The following LEO1 variants were observed in gnomAD, a reference collection of about 807,000 sequenced individuals.
The protein encoded by LEO1 is RNA polymerase-associated protein LEO1.
In LEO1, 34 loss-of-function variants were observed where a neutral mutation model predicts 80.4. That is an observed-to-expected ratio of 0.42 (90% CI 0.32 to 0.56). LEO1 has a LOEUF of 0.56. LEO1 is among the 20% of genes least tolerant of loss of function. LEO1 has a pLI of 0.10. For synonymous variants in LEO1, 262 were observed against 274.9 expected (o/e 0.95, Z 0.46); for missense variants, 631 against 814.2 (o/e 0.77, Z 2.74).
intron 3 of LEO1, among the ~76,000 whole-genome samples, 156 bp downstream of exon 3, chr15:51,962,233 T>C (rs200204390): frequency 6.6e-6 from 1 of 151,926 alleles, no homozygotes; most frequent in East Asian, 1.9e-4. Context: ...CAGCTTCTCA[T>C]AGCTATATAA....
chr15:51,969,375 C>A (rs947149420), intron 1 of LEO1, among the ~76,000 whole-genome samples: 1 of 151,988 alleles, frequency 6.6e-6, no homozygotes, highest in Non-Finnish European at 1.5e-5. Context: ...TGGCTCACAC[C>A]TGTAATCCCA....
chr15:51,955,667 C>T (rs2056983463), intron 6 of LEO1, among the ~76,000 whole-genome samples: 1 of 152,188 alleles, frequency 6.6e-6, no homozygotes, highest in Non-Finnish European at 1.5e-5. Context: ...CTGCCAATGC[C>T]AAGACCATGC....
chr15:51,941,699 G>T (rs560178978), intron 11 of LEO1, among the ~76,000 whole-genome samples: 1 of 152,206 alleles, frequency 6.6e-6, no homozygotes, highest in African/African-American at 2.4e-5. Flanking sequence ...TTAAAAAAAT[G>T]AGGGAGAATA....
rs537405336 is a variant in LEO1 at position 51,959,976 on chromosome 15, T to C, written c.1083A>G (p.Glu361=). 9 of 1,613,616 alleles carry C rather than the reference T, an allele frequency of 5.6e-6. No individual in the cohort carries two copies. The highest frequency in any genetic ancestry group is 2.2e-5 in the South Asian group (2 of 91,014). Residue 361 remains glutamate, a synonymous_variant, in exon 5 of 12, where the codon GAA becomes GAG. Coordinates refer to ENST00000299601, the MANE Select transcript of LEO1 (RefSeq NM_138792.4). ...EPIPETRIEV[E]IPKVNTDLGN... Reference sequence around the variant, plus strand: ...CTAAATCAGTGTTTACTTTGGGTATTTCTACTTCTATTCTGGTCTCAGGAA... The same window carrying C: ...CTAAATCAGTGTTTACTTTGGGTATCTCTACTTCTATTCTGGTCTCAGGAA...
intron 1 of LEO1, among the ~76,000 whole-genome samples, chr15:51,970,667 G>C (rs1210649777): frequency 3.9e-5 from 6 of 152,164 alleles, no homozygotes; most frequent in African/African-American, 1.4e-4. Flanking sequence ...TAGCAGACAG[G>C]GGTTGGAGGA....
intron 1 of LEO1, among the ~76,000 whole-genome samples, chr15:51,969,767 G>A (rs537559037): frequency 1.3e-5 from 2 of 150,012 alleles, no homozygotes; most frequent in African/African-American, 2.4e-5. Context: ...GCTTGAACCC[G>A]GAGGCGGAGG....
intron 10 of LEO1, 32 bp from the exon 11 acceptor site, chr15:51,947,421 T>A: frequency 1.3e-6 from 1 of 767,016 alleles, no homozygotes; most frequent in Non-Finnish European, 1.9e-6. Context: ...GTGAGTCACC[T>A]TTTTTTTTTT....
intron 7 of LEO1, among the ~76,000 whole-genome samples, chr15:51,953,994 C>T (rs1368680198): frequency 3.3e-5 from 5 of 150,478 alleles, no homozygotes; most frequent in African/African-American, 1.2e-4. Flanking sequence ...AGTGCAGTGG[C>T]GCGATCTCGG....
intron 2 of LEO1, among the ~76,000 whole-genome samples, chr15:51,965,184 C>A (rs1318739614): frequency 6.6e-6 from 1 of 152,230 alleles, no homozygotes; most frequent in Non-Finnish European, 1.5e-5. Context: ...GGAGAAATAA[C>A]TGATCCTCTT....
At chr15:51,960,825 G>C in intron 3 of LEO1, 92 bp from the exon 4 acceptor site, 1 of 750,626 alleles carries the variant, frequency 1.3e-6, no homozygotes, top group Non-Finnish European at 2.3e-6. Context: ...AAGGTTTCTG[G>C]ACCAGCATCA....
rs562455371 is a variant in LEO1 at position 51,948,143 on chromosome 15, C to T, written c.1799-754G>A. 2.0e-5 allele frequency among the ~76,000 whole-genome samples: 3 copies of T among 152,318 alleles called. No homozygotes were observed. In the East Asian group the frequency reaches 5.8e-4, roughly 29 times the overall value. ...TGTAGAGGGGCGCCCATCTGCTCCA[C>T]TGCCCAAGCCCAGGTGAACCTCTGG... is the stretch of plus-strand genomic sequence containing the variant. On this transcript the variant is annotated intron_variant, in intron 10 of 11. Coordinates refer to ENST00000299601, the MANE Select transcript of LEO1 (RefSeq NM_138792.4).
Position 51,949,972 on chromosome 15 carries a change from G to A in LEO1, c.1634C>T (p.Ala545Val), listed in dbSNP as rs1595935309. Residue 545 changes from alanine to valine, a missense_variant, in exon 10 of 12, where the codon GCT becomes GTT. By Grantham distance (64) the Ala-to-Val change is moderately conservative (BLOSUM62 0). This residue lies in a region of LEO1 where 117 missense variants were observed against 163.5 expected (regional missense o/e 0.72). Coordinates refer to ENST00000299601, the MANE Select transcript of LEO1 (RefSeq NM_138792.4). ...MIKKEEERLR[A>V]SIRRESQQRR... ...CTGCTGAGATTCCCTACGTATGGAA[G>A]CCCTCAAACGTTCTTCTTCTTTCTG... 1 of 1,612,292 alleles carries A rather than the reference G, an allele frequency of 6.2e-7. No homozygotes were observed. The highest frequency in any genetic ancestry group is 8.5e-7 in the Non-Finnish European group (1 of 1,179,656).
intron 1 of LEO1, among the ~76,000 whole-genome samples, chr15:51,971,168 CATCT>C (rs2057119784): frequency 6.6e-6 from 1 of 152,138 alleles, no homozygotes; most frequent in African/African-American, 2.4e-5. Flanking sequence ...CTATGTGAAA[CATCT>C]ATCTGTAACC....
intron 5 of LEO1, 71 bp downstream of exon 5, chr15:51,959,828 G>T: frequency 7.4e-7 from 1 of 1,356,744 alleles, no homozygotes; most frequent in African/African-American, 1.5e-5. Context: ...AACTCAATGC[G>T]AAATAAGAAA....
chr15:51,954,866 G>C (rs540266433), intron 6 of LEO1: 1 of 307,584 alleles, frequency 3.3e-6, no homozygotes, highest in Non-Finnish European at 6.1e-6. Context: ...CACTAACCCC[G>C]AGATGTGTTA....
chr15:51,941,731 T>C (rs1406403187), intron 11 of LEO1, among the ~76,000 whole-genome samples: 3 of 152,264 alleles, frequency 2.0e-5, no homozygotes, highest in African/African-American at 7.2e-5. Context: ...TTTACATTTT[T>C]CTTCTTTTTG....
At chr15:51,944,038 A>C (rs543797041) in intron 11 of LEO1, among the ~76,000 whole-genome samples, 1 of 152,354 alleles carries the variant, frequency 6.6e-6, no homozygotes, top group African/African-American at 2.4e-5. Context: ...CAGCAGAAAA[A>C]ATATTAAATG....
At chr15:51,952,990 T>C in intron 8 of LEO1, 139 bp downstream of exon 8, 1 of 698,302 alleles carries the variant, frequency 1.4e-6, no homozygotes, top group African/African-American at 1.8e-5. Flanking sequence ...CCTTTGAACC[T>C]TCAGAACTAT....
At position 51,960,724 on chromosome 15, in the gene LEO1, C is replaced by A. The variant is rs777007768; in HGVS notation, c.929G>T (p.Gly310Val). Residue 310 changes from glycine (G) to valine (V), a missense_variant, in exon 4 of 12, where the codon GGA becomes GTA. Gly to Val is a moderately radical substitution (Grantham distance 109). Coordinates refer to ENST00000299601, the MANE Select transcript of LEO1 (RefSeq NM_138792.4). Reference protein sequence around the residue: ...SDTEVPKDNSGTMDLFGGADD... With the variant: ...SDTEVPKDNSVTMDLFGGADD... ...TGCACCTCCAAATAAATCCATGGTT[C>A]CACTATTATCTTCAATGCAGAAGGA... 6.3e-7 allele frequency: 1 copy of A among 1,597,706 alleles called. No homozygotes were observed. Among genetic ancestry groups the A allele is most frequent in the South Asian group, 1.1e-5 (1 of 90,736 alleles).
Sources: allele counts gnomAD v4.1 joint callset (sites outside exome capture counted in the v4.1 genomes callset), GRCh38; gene constraint gnomAD v4.1.1; regional missense constraint gnomAD v4.1.1; transcripts MANE v1.5; gene names NCBI Gene and HGNC (gene_info 2026-07-23, HGNC 2026-07-21).